MTHFD1: variants seen among roughly 807,000 people sequenced by gnomAD.
MTHFD1 encodes C-1-tetrahydrofolate synthase, cytoplasmic.
MTHFD1 carries 44 observed loss-of-function variants against 110.3 expected under a neutral mutation model. The ratio of observed to expected loss-of-function variants is 0.40; its 90% CI spans 0.31 to 0.51. The LOEUF (loss-of-function observed/expected upper bound fraction) is 0.51. Ranked by LOEUF, MTHFD1 falls within the 20% of genes least tolerant of loss-of-function variation. MTHFD1 has a pLI of 0.60. For synonymous variants in MTHFD1, 402 were observed against 428.8 expected (o/e 0.94, Z 0.77); for missense variants, 909 against 1,173.1 (o/e 0.77, Z 3.29).
At chr14:64,442,980 A>C (rs2078260279) in intron 21 of MTHFD1, among the ~76,000 whole-genome samples, 1 of 152,128 alleles carries the variant, frequency 6.6e-6, no homozygotes, top group Admixed American at 6.5e-5. Flanking sequence ...AGAAATTCCT[A>C]CTACTTTTTA....
intron 18 of MTHFD1, 141 bp downstream of exon 18, chr14:64,440,407 TA>T: frequency 9.7e-7 from 1 of 1,031,504 alleles, no homozygotes; most frequent in Non-Finnish European, 1.5e-6. Context: ...TTTTGCTAAT[TA>T]CAAGATAATT....
rs888355271 is a variant in MTHFD1, at chr14:64,417,353, A to T, written c.479-535A>T. ...AAGAAAGCTTTGCTGCCACAGTTCAATTTCCCCTTTATCACTTCCCTGCAA... is the reference window on the plus strand; with the variant it reads ...AAGAAAGCTTTGCTGCCACAGTTCATTTTCCCCTTTATCACTTCCCTGCAA... On this transcript the variant is annotated intron_variant, in intron 6 of 27. Transcript: ENST00000652337. The surrounding 1 kb of genome is among the most constrained non-coding windows in gnomAD (Gnocchi z 4.4). Among the ~76,000 whole-genome samples the T allele has an allele frequency of 6.6e-6, 1 of 152,228 alleles. No individual in the cohort carries two copies. The highest frequency in any genetic ancestry group is 2.4e-5 in the African/African-American group (1 of 41,456).
intron 22 of MTHFD1, among the ~76,000 whole-genome samples, chr14:64,447,371 G>C (rs1382356656): frequency 1.3e-5 from 2 of 150,868 alleles, no homozygotes; most frequent in Non-Finnish European, 2.9e-5. Context: ...GGCCAGTATA[G>C]TCTTAATCTC....
At chr14:64,430,622 T>G (rs897853567) in intron 13 of MTHFD1, among the ~76,000 whole-genome samples, 2 of 152,180 alleles carry the variant, frequency 1.3e-5, no homozygotes, top group Non-Finnish European at 2.9e-5. Flanking sequence ...GCTTTTTCTC[T>G]CTGGAGATTA....
chr14:64,411,049 C>T (rs1163056119), intron 2 of MTHFD1, 41 bp from the exon 3 acceptor site: 1 of 1,405,750 alleles, frequency 7.1e-7, no homozygotes, highest in Non-Finnish European at 1.0e-6. Flanking sequence ...TGCACTTTGC[C>T]TTTCCCTAAT....
chr14:64,408,276 A>G (rs1239804285), intron 2 of MTHFD1, among the ~76,000 whole-genome samples: 1 of 148,012 alleles, frequency 6.8e-6, no homozygotes, highest in African/African-American at 2.5e-5. Flanking sequence ...TCAAGGAGAA[A>G]TCAGCATTCT....
At chr14:64,441,342 T>G in intron 18 of MTHFD1, 43 bp from the exon 19 acceptor site, 1 of 1,599,954 alleles carries the variant, frequency 6.3e-7, no homozygotes, top group Non-Finnish European at 8.6e-7. Context: ...AGGTTGGGTT[T>G]TTTTGCTGGT....
chr14:64,453,550 A>G (rs1300692849), intron 24 of MTHFD1, among the ~76,000 whole-genome samples: 1 of 152,198 alleles, frequency 6.6e-6, no homozygotes, highest in Non-Finnish European at 1.5e-5. Context: ...CAGCCTGGCA[A>G]CAGAGCGAAA....
chr14:64,418,122 A>T, intron 7 of MTHFD1, 98 bp downstream of exon 7: 7 of 1,449,332 alleles, frequency 4.8e-6, no homozygotes, highest in South Asian at 1.2e-5. Flanking sequence ...ATTTAACCCC[A>T]TCATCTCATT....
At chr14:64,459,430 A>G (rs1390345940) in intron 27 of MTHFD1, among the ~76,000 whole-genome samples, 1 of 152,238 alleles carries the variant, frequency 6.6e-6, no homozygotes. Context: ...AAGCTCTTGC[A>G]TTATTTGAGA....
chr14:64,409,579 A>C (rs2077965384), intron 2 of MTHFD1, among the ~76,000 whole-genome samples: 1 of 152,166 alleles, frequency 6.6e-6, no homozygotes, highest in African/African-American at 2.4e-5. Context: ...TGAACCAGTG[A>C]GGGTTGGGTG....
chr14:64,423,052 T>C (rs550094747), intron 8 of MTHFD1: 1 of 152,146 alleles, frequency 6.6e-6, no homozygotes, highest in African/African-American at 2.4e-5. Context: ...CTAACTACAG[T>C]GTGAAGACGA....
intron 24 of MTHFD1, 65 bp from the exon 25 acceptor site, chr14:64,453,689 T>A: frequency 2.1e-6 from 2 of 940,726 alleles, no homozygotes; most frequent in Admixed American, 3.6e-5. Flanking sequence ...AATGTGGCTA[T>A]GTCCTGGTTA....
chr14:64,412,552 G>T, intron 4 of MTHFD1, 27 bp downstream of exon 4: 1 of 1,587,626 alleles, frequency 6.3e-7, no homozygotes, highest in Non-Finnish European at 8.6e-7. Flanking sequence ...TGATTGTGAA[G>T]AGGGAAGGTG....
chr14:64,401,382 T>G (rs1422013915), intron 2 of MTHFD1, among the ~76,000 whole-genome samples: 1 of 152,162 alleles, frequency 6.6e-6, no homozygotes, highest in Non-Finnish European at 1.5e-5. Flanking sequence ...TATACAGATT[T>G]ATCCATTAAT....
At chr14:64,441,274 C>A in intron 18 of MTHFD1, 111 bp from the exon 19 acceptor site, 2 of 946,652 alleles carry the variant, frequency 2.1e-6, no homozygotes, top group South Asian at 1.3e-5. Flanking sequence ...GTGAAAGTAT[C>A]AATTGGTCCA....
At chr14:64,441,299 G>C in intron 18 of MTHFD1, 86 bp from the exon 19 acceptor site, 1 of 1,256,748 alleles carries the variant, frequency 8.0e-7, no homozygotes, top group Non-Finnish European at 1.2e-6. Flanking sequence ...GGCTAACATG[G>C]GTAAGCCTAG....
At chr14:64,448,142 G>A (rs905438039) in intron 22 of MTHFD1, 75 bp from the exon 23 acceptor site, 21 of 1,064,892 alleles carry the variant, frequency 2.0e-5, no homozygotes, top group Non-Finnish European at 2.9e-5. Flanking sequence ...CAAGGAGGTT[G>A]TTTGCCTTTG....
At chr14:64,438,301 A>G (rs1566569970) in intron 16 of MTHFD1, among the ~76,000 whole-genome samples, 1 of 152,174 alleles carries the variant, frequency 6.6e-6, no homozygotes, top group Non-Finnish European at 1.5e-5. Flanking sequence ...TAGGAGACCT[A>G]CCATAAGTAA....
Sources: gnomAD v4.1 joint callset for allele counts (sites outside exome capture counted in the v4.1 genomes callset) on GRCh38, gnomAD v4.1.1 for gene constraint, Gnocchi (gnomAD v3.1) non-coding constraint, MANE v1.5 for transcripts, NCBI Gene and HGNC (gene_info 2026-07-23, HGNC 2026-07-21) for gene names.